The following NTRK2 variants were observed in gnomAD, a reference collection of about 807,000 sequenced individuals.
NTRK2 encodes BDNF/NT-3 growth factors receptor.
A neutral mutation model predicts 94.5 loss-of-function variants in NTRK2; 13 were observed. That is an observed-to-expected ratio of 0.14 (90% CI 0.09 to 0.22). The LOEUF (loss-of-function observed/expected upper bound fraction) is 0.22, where lower values mean the gene tolerates loss of function less well. Ranked by LOEUF, NTRK2 falls within the 10% of genes least tolerant of loss-of-function variation. The probability of loss-of-function intolerance (pLI) is 1.00; values close to 1 mark genes in which losing one functional copy is unlikely to be tolerated. For missense variants in NTRK2, 639 were observed against 1,071.2 expected, an observed-to-expected ratio of 0.60 and a Z score of 5.63; for synonymous variants, 372 against 407.4, an observed-to-expected ratio of 0.91 and a Z score of 1.05.
At chr9:84,869,111 T>G (rs2075726993) in intron 14 of NTRK2, among the ~76,000 whole-genome samples, 1 of 152,208 alleles carries the variant, frequency 6.6e-6, no homozygotes, top group Admixed American at 6.5e-5. Context: ...GTGGGCTACA[T>G]GTCTGGAAGT....
chr9:84,781,076 G>A (rs1245475816), intron 12 of NTRK2, among the ~76,000 whole-genome samples: 1 of 152,118 alleles, frequency 6.6e-6, no homozygotes, highest in Non-Finnish European at 1.5e-5. Flanking sequence ...TGCAGTCTTT[G>A]TATGTTCCAT....
At chr9:84,790,742 A>G (rs913140331) in intron 12 of NTRK2, among the ~76,000 whole-genome samples, 2 of 152,192 alleles carry the variant, frequency 1.3e-5, no homozygotes, top group African/African-American at 4.8e-5. Flanking sequence ...TCTTTGTGGG[A>G]ATCTGTAGGG....
At chr9:84,689,283 C>A (rs924507605) in intron 2 of NTRK2, among the ~76,000 whole-genome samples, 1 of 152,226 alleles carries the variant, frequency 6.6e-6, no homozygotes, top group Non-Finnish European at 1.5e-5. Flanking sequence ...CCTTTGCATG[C>A]CCTTTGGCTT....
Position 84,707,890 on chromosome 9 carries a change from C to T in NTRK2, c.406C>T (p.Arg136Cys), listed in dbSNP as rs749146781. The stretch of plus-strand genomic sequence containing the variant: ...GACGAGTTTGTCTAGGAAACATTTC[C>T]GTCACCTTGACTTGTCTGAACTGTA... ...KLTSLSRKHF[R>C]HLDLSELILV... Residue 136 changes from arginine to cysteine, a missense_variant, in exon 5 of 19, where the codon CGT becomes TGT. Physicochemically the swap from Arg to Cys is radical, Grantham distance 180. This residue lies in a region of NTRK2 where 206 missense variants were observed against 251.5 expected (regional missense o/e 0.82). Coordinates refer to ENST00000277120, the MANE Select transcript of NTRK2 (RefSeq NM_006180.6). 9 of 1,612,348 alleles carry T rather than the reference C, an allele frequency of 5.6e-6. No homozygotes were observed. The highest frequency in any genetic ancestry group is 6.8e-6 in the Non-Finnish European group (8 of 1,179,006).
intron 12 of NTRK2, among the ~76,000 whole-genome samples, chr9:84,791,426 C>T (rs2133208389): frequency 6.6e-6 from 1 of 152,190 alleles, no homozygotes; most frequent in East Asian, 1.9e-4. Flanking sequence ...TAAAGCAAGC[C>T]TTGGTTCCAT....
chr9:84,875,193 A>C, intron 14 of NTRK2: 3 of 1,058,244 alleles, frequency 2.8e-6, no homozygotes, highest in Non-Finnish European at 2.3e-6. Context: ...GACTCTGTTA[A>C]TATTTCTATA....
At chr9:84,770,920 T>G (rs1415091966) in intron 12 of NTRK2, among the ~76,000 whole-genome samples, 1 of 152,084 alleles carries the variant, frequency 6.6e-6, no homozygotes, top group African/African-American at 2.4e-5. Context: ...AACTCTCCTT[T>G]CCCCCCTGGG....
At chr9:84,857,030 C>G (rs1052657370) in intron 12 of NTRK2, among the ~76,000 whole-genome samples, 1 of 152,086 alleles carries the variant, frequency 6.6e-6, no homozygotes, top group African/African-American at 2.4e-5. Flanking sequence ...CTCTGATTCT[C>G]TCATTTACAT....
chr9:85,013,145 G>C (rs1250360791), intron 17 of NTRK2, among the ~76,000 whole-genome samples: 1 of 152,134 alleles, frequency 6.6e-6, no homozygotes, highest in Non-Finnish European at 1.5e-5. Flanking sequence ...AGGCAGAAAA[G>C]CCTGTTTCTA....
At position 84,992,372 on chromosome 9, in the gene NTRK2, T is replaced by C. The variant is rs1051630856; in HGVS notation, c.2173-27834T>C. ...GCCTCTATCTGAGCATATTTTCTCCTGCCACTGCCAGAGGTTGGATGTTCT... is the reference window on the plus strand; with the variant it reads ...GCCTCTATCTGAGCATATTTTCTCCCGCCACTGCCAGAGGTTGGATGTTCT... On this transcript the variant is annotated intron_variant, in intron 17 of 18. Coordinates refer to ENST00000277120, the MANE Select transcript of NTRK2 (RefSeq NM_006180.6). Among the ~76,000 whole-genome samples, 4 of 152,104 alleles carry C rather than the reference T, an allele frequency of 2.6e-5. No homozygotes were observed. In the South Asian group the frequency reaches 6.3e-4, roughly 24 times the overall value.
chr9:84,765,034 A>G (rs532101784), intron 12 of NTRK2, among the ~76,000 whole-genome samples: 10 of 152,212 alleles, frequency 6.6e-5, no homozygotes, highest in Non-Finnish European at 1.3e-4. Flanking sequence ...GGACACAGAC[A>G]GTAGAAGGTG....
intron 4 of NTRK2, among the ~76,000 whole-genome samples, chr9:84,703,965 T>C (rs559563376): frequency 1.8e-4 from 27 of 152,342 alleles, no homozygotes; most frequent in African/African-American, 6.5e-4. Context: ...ATGACCTCAG[T>C]GGTTAAGTTC....
At chr9:84,789,148 G>T (rs572107314) in intron 12 of NTRK2, among the ~76,000 whole-genome samples, 1 of 152,296 alleles carries the variant, frequency 6.6e-6, no homozygotes, top group South Asian at 2.1e-4. Context: ...TGAGGTATCT[G>T]CCTCTCATTC....
chr9:84,807,905 T>A (rs1393832553), intron 12 of NTRK2, among the ~76,000 whole-genome samples: 1 of 152,022 alleles, frequency 6.6e-6, no homozygotes, highest in Non-Finnish European at 1.5e-5. Flanking sequence ...TATGAAAGAG[T>A]AGGGTGACTT....
At chr9:84,979,949 T>C (rs530264582) in intron 17 of NTRK2, among the ~76,000 whole-genome samples, 59 of 152,392 alleles carry the variant, frequency 3.9e-4, no homozygotes, top group Non-Finnish European at 6.9e-4. Flanking sequence ...TTTATTTAGC[T>C]ATAACGCTAT....
At chr9:84,794,912 C>T (rs1295745502) in intron 12 of NTRK2, among the ~76,000 whole-genome samples, 1 of 152,114 alleles carries the variant, frequency 6.6e-6, no homozygotes, top group Non-Finnish European at 1.5e-5. Context: ...TAGACAGAAG[C>T]ACAATCTCAT....
intron 14 of NTRK2, chr9:84,872,602 A>C (rs1235655123): frequency 2.8e-6 from 3 of 1,056,300 alleles, no homozygotes; most frequent in African/African-American, 1.7e-5. Flanking sequence ...AAGTATTCTG[A>C]CTTTTTTTTT....
chr9:84,745,833 G>A lies in NTRK2; in HGVS notation c.1296+760G>A, dbSNP rs539643294. On this transcript the variant is annotated intron_variant, in intron 11 of 18. Coordinates refer to ENST00000277120, the MANE Select transcript of NTRK2 (RefSeq NM_006180.6). ...TGGAGATAAAGATTGTGGCCAGGTT[G>A]TAGGTCTTGACACAGAGTCTCAGGT... 3.9e-5 allele frequency among the ~76,000 whole-genome samples: 6 copies of A among 152,264 alleles called. No individual in the cohort carries two copies. In the South Asian group the frequency reaches 1.0e-3, roughly 26 times the overall value.
intron 12 of NTRK2, among the ~76,000 whole-genome samples, chr9:84,860,368 C>T (rs1161156667): frequency 6.6e-6 from 1 of 152,138 alleles, no homozygotes; most frequent in East Asian, 1.9e-4. Context: ...CCTACTGGAC[C>T]TTGTGTTCTA....
Sources: gnomAD v4.1 joint callset for allele counts (sites outside exome capture counted in the v4.1 genomes callset) on GRCh38, gnomAD v4.1.1 for gene constraint, gnomAD v4.1.1 regional missense constraint, MANE v1.5 for transcripts, NCBI Gene and HGNC (gene_info 2026-07-23, HGNC 2026-07-21) for gene names.